Variants in ACER1 observed in about 807,000 individuals in gnomAD.
The protein encoded by ACER1 is CTB-180A7.3.
ACER1 carries 28 observed loss-of-function variants against 24.9 expected under a neutral mutation model. That is an observed-to-expected ratio of 1.13 (90% confidence interval 0.83 to 1.54). ACER1 has a LOEUF of 1.54. ACER1 is among the 40% of genes most tolerant of loss of function. The pLI, the probability that ACER1 is intolerant of heterozygous loss-of-function variation, is 0.00. For synonymous variants in ACER1, 132 were observed against 131.4 expected (o/e 1.00, Z -0.03); for missense variants, 352 against 349.3 (o/e 1.01, Z -0.06).
chr19:6,315,449 G>A (rs577788695), intron 1 of ACER1, among the ~76,000 whole-genome samples: 17 of 149,580 alleles, frequency 1.1e-4, no homozygotes, highest in Admixed American at 6.7e-4. Context: ...GCGCGATCTC[G>A]GCTCACTGCA....
the ACER1 span, among the ~76,000 whole-genome samples, chr19:6,341,504 A>G: frequency 6.7e-6 from 1 of 148,982 alleles, no homozygotes; most frequent in Non-Finnish European, 1.5e-5. Flanking sequence ...AACCTGGGCC[A>G]CAGAGCAAGA....
chr19:6,345,883 T>A, the ACER1 span, among the ~76,000 whole-genome samples: 30 of 150,870 alleles, frequency 2.0e-4, no homozygotes, highest in Admixed American at 7.3e-4. Flanking sequence ...CTAATTTTAT[T>A]ATAATAATAA....
the ACER1 span, among the ~76,000 whole-genome samples, chr19:6,340,104 G>A: frequency 3.6e-4 from 55 of 151,562 alleles, no homozygotes; most frequent in Non-Finnish European, 5.3e-4. Flanking sequence ...GTGAGACACC[G>A]TCTCTACTAA....
chr19:6,323,312 T>C (rs923674931), intron 1 of ACER1, among the ~76,000 whole-genome samples: 5 of 150,568 alleles, frequency 3.3e-5, no homozygotes, highest in South Asian at 4.2e-4. Context: ...CCCAGCTACT[T>C]GGGAGGCTGA....
chr19:6,315,664 C>A (rs2091599997), intron 1 of ACER1, among the ~76,000 whole-genome samples: 1 of 151,296 alleles, frequency 6.6e-6, no homozygotes, highest in Non-Finnish European at 1.5e-5. Context: ...CAGGCTTGAG[C>A]CACCACGGCC....
At chr19:6,348,707 C>A in the ACER1 span, among the ~76,000 whole-genome samples, 1 of 151,882 alleles carries the variant, frequency 6.6e-6, no homozygotes, top group African/African-American at 2.4e-5. Flanking sequence ...CAGAACAGAT[C>A]CTGAGAAATA....
chr19:6,306,938 G>A (rs2091555386), intron 5 of ACER1, 56 bp from the exon 6 acceptor site: 5 of 1,564,198 alleles, frequency 3.2e-6, no homozygotes, highest in Middle Eastern at 1.8e-4. Flanking sequence ...GCCTCACGCC[G>A]GCCCTCTTTT....
At chr19:6,351,660 G>A in the ACER1 span, among the ~76,000 whole-genome samples, 1 of 141,730 alleles carries the variant, frequency 7.1e-6, no homozygotes, top group Admixed American at 6.8e-5. Flanking sequence ...TTGAGCCTGG[G>A]AGGTCAAGAC....
At chr19:6,333,908 C>G (rs1369056900), upstream of ACER1, among the ~76,000 whole-genome samples, 1 of 152,084 alleles carries the variant, frequency 6.6e-6, no homozygotes, top group Non-Finnish European at 1.5e-5. Flanking sequence ...GAGTCAGGGC[C>G]TTGCTCTGTT....
At chr19:6,341,752 CCAAATAG>C in the ACER1 span, among the ~76,000 whole-genome samples, 1 of 152,224 alleles carries the variant, frequency 6.6e-6, no homozygotes, top group Admixed American at 6.6e-5. Flanking sequence ...CCCCAGCCTC[CCAAATAG>C]CTGGGATTAC....
chr19:6,328,569 G>A (rs2091672512), intron 1 of ACER1, among the ~76,000 whole-genome samples: 1 of 151,664 alleles, frequency 6.6e-6, no homozygotes, highest in African/African-American at 2.4e-5. Context: ...GTTGGCCCTG[G>A]GTGCAGTGGC....
the ACER1 span, among the ~76,000 whole-genome samples, chr19:6,356,865 C>T: frequency 1.3e-5 from 2 of 151,936 alleles, no homozygotes; most frequent in Non-Finnish European, 2.9e-5. Context: ...CAGAGCCAAA[C>T]AAGATAGCAG....
intron 1 of ACER1, among the ~76,000 whole-genome samples, chr19:6,316,952 C>A (rs372580948): frequency 2.7e-5 from 4 of 150,204 alleles, no homozygotes; most frequent in East Asian, 3.9e-4. Context: ...AGAAACAAGT[C>A]TCTTTCCCTC....
chr19:6,345,794 A>G, the ACER1 span, among the ~76,000 whole-genome samples: 1 of 151,674 alleles, frequency 6.6e-6, no homozygotes, highest in East Asian at 1.9e-4. Flanking sequence ...CCAACTCCTG[A>G]CCTCAGATGA....
chr19:6,324,911 G>GGAAGGAAA (rs2091653435), intron 1 of ACER1, among the ~76,000 whole-genome samples: 1 of 143,010 alleles, frequency 7.0e-6, no homozygotes, highest in Non-Finnish European at 1.5e-5. Context: ...AAGGAAGGAA[G>GGAAGGAAA]GAGGAAGGAA....
intron 1 of ACER1, among the ~76,000 whole-genome samples, chr19:6,331,984 G>C (rs79822602): frequency 2.7e-5 from 2 of 73,800 alleles, no homozygotes; most frequent in Non-Finnish European, 5.3e-5. Flanking sequence ...TTTTTTTTTT[G>C]AGACGAAGTC....
At chr19:6,307,924 T>TA (rs1373261064) in intron 4 of ACER1, among the ~76,000 whole-genome samples, 2 of 150,182 alleles carry the variant, frequency 1.3e-5, no homozygotes, top group African/African-American at 4.9e-5. Context: ...CTGACTCTAC[T>TA]AAAAATACAA....
intron 1 of ACER1, among the ~76,000 whole-genome samples, chr19:6,323,967 A>G (rs2091645839): frequency 6.6e-6 from 1 of 152,156 alleles, no homozygotes; most frequent in Non-Finnish European, 1.5e-5. Flanking sequence ...AGAGGAGGTG[A>G]GGAGAGTGTT....
At chr19:6,330,998 C>T (rs887657507) in intron 1 of ACER1, among the ~76,000 whole-genome samples, 2 of 149,664 alleles carry the variant, frequency 1.3e-5, no homozygotes, top group African/African-American at 2.5e-5. Context: ...ACCCTGGGCA[C>T]AGCCTTCAAA....
Sources: gnomAD v4.1 joint callset for allele counts (sites outside exome capture counted in the v4.1 genomes callset) on GRCh38, gnomAD v4.1.1 for gene constraint, MANE v1.5 for transcripts, NCBI Gene and HGNC (gene_info 2026-07-23, HGNC 2026-07-21) for gene names.